Variants in AFDN observed in about 807,000 individuals in gnomAD.
AFDN encodes the protein afadin, adherens junction formation factor, also known as afadin.
In AFDN, 68 loss-of-function variants were observed where a neutral mutation model predicts 216.6. That is an observed-to-expected ratio of 0.31 (90% CI 0.26 to 0.38). AFDN has a LOEUF of 0.38. Among genes scored for constraint, AFDN ranks in the 10% least tolerant of loss-of-function variants. AFDN has a pLI of 1.00. For missense variants in AFDN, 2,136 were observed against 2,342.0 expected (o/e 0.91, Z 1.82); for synonymous variants, 868 against 853.7 (o/e 1.02, Z -0.29).
intron 1 of AFDN, among the ~76,000 whole-genome samples, chr6:167,857,934 T>C (rs1783084940): frequency 6.6e-6 from 1 of 152,170 alleles, no homozygotes; most frequent in Non-Finnish European, 1.5e-5. Context: ...GAATATAGTA[T>C]TTAAAGATTA....
At chr6:167,935,243 T>C (rs1372002782) in intron 23 of AFDN, among the ~76,000 whole-genome samples, 1 of 152,200 alleles carries the variant, frequency 6.6e-6, no homozygotes, top group African/African-American at 2.4e-5. Flanking sequence ...GATTAAAATG[T>C]TAAGATCAAA....
At chr6:167,889,547 C>T (rs1034318325) in intron 7 of AFDN, among the ~76,000 whole-genome samples, 2 of 149,364 alleles carry the variant, frequency 1.3e-5, no homozygotes, top group Non-Finnish European at 3.0e-5. Flanking sequence ...GATTCTCCTG[C>T]CTCAGCCTCC....
chr6:167,861,361 T>A (rs914497038), intron 1 of AFDN, among the ~76,000 whole-genome samples: 1 of 152,204 alleles, frequency 6.6e-6, no homozygotes. Flanking sequence ...TTTCATAGGC[T>A]TTATTTAGGC....
At chr6:167,845,396 T>C (rs1781551499) in intron 1 of AFDN, among the ~76,000 whole-genome samples, 1 of 151,902 alleles carries the variant, frequency 6.6e-6, no homozygotes, top group African/African-American at 2.4e-5. Context: ...TTCTTTTTCT[T>C]TTCTTTTCTT....
At chr6:167,947,577 T>C (rs112504078) in intron 27 of AFDN, among the ~76,000 whole-genome samples, 4 of 152,336 alleles carry the variant, frequency 2.6e-5, no homozygotes, top group African/African-American at 9.6e-5. Context: ...CTAAAGTATT[T>C]ACTTTCTGGC....
At position 167,827,104 on chromosome 6, in the gene AFDN, C is replaced by T. The variant is rs772603606; in HGVS notation, c.-29C>T. ...TCGGCCCGTCCTCCGGCCCCGGCCC[C>T]GCGCGGCTGAGGAGGCGCGGCCAGG... On this transcript the variant is annotated 5_prime_UTR_variant, in exon 1 of 34. Coordinates refer to ENST00000683244, the MANE Select transcript of AFDN (RefSeq NM_001386888.1). The T allele has an allele frequency of 4.4e-4, 530 of 1,204,150 alleles. 2 individuals carry two copies. The highest frequency in any genetic ancestry group is 4.9e-4 in the South Asian group (33 of 67,240). The allele number at this position is 1,204,150 out of a possible 1,614,324, so 74.6% of individuals were successfully genotyped here.
chr6:167,863,891 A>C, intron 1 of AFDN: 1 of 462,456 alleles, frequency 2.2e-6, no homozygotes, highest in Non-Finnish European at 4.4e-6. Flanking sequence ...AGGTTGGTGC[A>C]AAAGTACTTG....
Position 167,826,920 on chromosome 6 carries a change from C to G in AFDN, c.-213C>G, listed in dbSNP as rs1339913313. The G allele has an allele frequency of 6.9e-6, 1 of 144,794 alleles. No homozygotes were observed. The highest frequency in any genetic ancestry group is 2.0e-4 in the East Asian group (1 of 4,916). The allele number at this position is 144,794 out of a possible 1,614,324, so 9.0% of individuals were successfully genotyped here. Reference sequence around the variant, plus strand: ...GCGGCGGGCGCCGGGCGCACACCGGCCGGCGGGGCTGAGGCGGCGCGGCGC... The same window carrying G: ...GCGGCGGGCGCCGGGCGCACACCGGGCGGCGGGGCTGAGGCGGCGCGGCGC... On this transcript the variant is annotated 5_prime_UTR_variant, in exon 1 of 34. Coordinates refer to ENST00000683244, the MANE Select transcript of AFDN (RefSeq NM_001386888.1).
intron 1 of AFDN, among the ~76,000 whole-genome samples, chr6:167,847,675 T>C (rs1179148395): frequency 6.6e-6 from 1 of 152,192 alleles, no homozygotes; most frequent in Non-Finnish European, 1.5e-5. Context: ...TTCACCATCT[T>C]TGCTTCTTAC....
chr6:167,948,511 AC>A, intron 29 of AFDN, 33 bp downstream of exon 29: 10 of 1,588,852 alleles, frequency 6.3e-6, no homozygotes, highest in Non-Finnish European at 8.6e-6. Flanking sequence ...CACTTTTCTC[AC>A]CTCTCAAGGA....
At chr6:167,919,664 C>T (rs966505794) in intron 21 of AFDN, among the ~76,000 whole-genome samples, 5 of 152,240 alleles carry the variant, frequency 3.3e-5, no homozygotes, top group Non-Finnish European at 5.9e-5. Context: ...AACTGATTTC[C>T]TGGATTTTAT....
chr6:167,847,122 T>C (rs906512657), intron 1 of AFDN, among the ~76,000 whole-genome samples: 3 of 152,190 alleles, frequency 2.0e-5, no homozygotes, highest in African/African-American at 7.2e-5. Context: ...TTAAAGACTT[T>C]CATGCTGACA....
At chr6:167,829,778 A>G (rs1341134972) in intron 1 of AFDN, among the ~76,000 whole-genome samples, 3 of 152,070 alleles carry the variant, frequency 2.0e-5, no homozygotes, top group Non-Finnish European at 2.9e-5. Flanking sequence ...ATAACCACTG[A>G]TAATTTTGTG....
In AFDN at chr6:167,941,657, G is replaced by A. The variant is rs868241516; in HGVS notation, c.3100-1472G>A. 3.4e-3 allele frequency among the ~76,000 whole-genome samples: 140 copies of A among 41,302 alleles called. 1 individual carries two copies. Among genetic ancestry groups the A allele is most frequent in the African/African-American group, 0.016 (125 of 7,676 alleles). 27.1% of individuals were successfully genotyped at this position (41,302 alleles called of 152,430 possible). On this transcript the variant is annotated intron_variant, in intron 23 of 33. Coordinates refer to ENST00000683244, the MANE Select transcript of AFDN (RefSeq NM_001386888.1). ...TGGACAGACACAGAGGGATGTAGGG[G>A]TGAGGGTGGAAACCATCCACAGGAG... is the stretch of plus-strand genomic sequence containing the variant.
intron 27 of AFDN, among the ~76,000 whole-genome samples, chr6:167,947,452 T>C (rs1795446154): frequency 6.6e-6 from 1 of 152,202 alleles, no homozygotes; most frequent in South Asian, 2.1e-4. Context: ...GTGCTGGGAT[T>C]ACAGGCTTGA....
At chr6:167,937,445 G>A (rs969221248) in intron 23 of AFDN, among the ~76,000 whole-genome samples, 4 of 151,970 alleles carry the variant, frequency 2.6e-5, no homozygotes, top group African/African-American at 4.8e-5. Context: ...ACAGGATCTC[G>A]CCATGTTGCC....
At chr6:167,955,964 AATT>A (rs1045118619) in intron 30 of AFDN, among the ~76,000 whole-genome samples, 5 of 151,716 alleles carry the variant, frequency 3.3e-5, no homozygotes, top group African/African-American at 9.7e-5. Flanking sequence ...AAAATACAAA[AATT>A]AGCTGGGCAC....
chr6:167,952,250 C>T (rs572096382), intron 30 of AFDN, 63 bp downstream of exon 30: 82 of 1,611,806 alleles, frequency 5.1e-5, no homozygotes, highest in South Asian at 3.3e-4. Flanking sequence ...CTGCGTGTTT[C>T]CCATGGGGAT....
chr6:167,899,025 C>G (rs1788621161), intron 11 of AFDN, among the ~76,000 whole-genome samples: 1 of 152,086 alleles, frequency 6.6e-6, no homozygotes, highest in African/African-American at 2.4e-5. Context: ...TGTTAAGCCA[C>G]TTCATTGTCT....
Sources: gnomAD v4.1 joint callset for allele counts (sites outside exome capture counted in the v4.1 genomes callset) on GRCh38, gnomAD v4.1.1 for gene constraint, MANE v1.5 for transcripts, NCBI Gene and HGNC (gene_info 2026-07-23, HGNC 2026-07-21) for gene names.